Variants in SYT7 observed in about 807,000 individuals in gnomAD.
SYT7 encodes synaptotagmin 7.
In SYT7, 29 loss-of-function variants were observed where a neutral mutation model predicts 75.1. The observed-to-expected ratio is 0.39, with a 90% CI of 0.29 to 0.53. SYT7 has a LOEUF of 0.53. Among genes scored for constraint, SYT7 ranks in the 20% least tolerant of loss-of-function variants. The probability of loss-of-function intolerance (pLI) is 0.77; values close to 1 mark genes in which losing one functional copy is unlikely to be tolerated. For synonymous variants in SYT7, 376 were observed against 401.7 expected, an observed-to-expected ratio of 0.94 and a Z score of 0.76; for missense variants, 693 against 953.2, an observed-to-expected ratio of 0.73 and a Z score of 3.59.
chr11:61,522,951 G>A, intron 12 of SYT7, 124 bp downstream of exon 12: 1 of 953,376 alleles, frequency 1.0e-6, no homozygotes, highest in Non-Finnish European at 1.6e-6. Context: ...TGAGAGGAGA[G>A]GAGACTGATC....
rs886204028 is a variant in SYT7 at position 61,517,156 on chromosome 11, T to C, written c.*1471A>G. Reference sequence around the variant, plus strand: ...GGCCCAGGCTCGTGGACCCCCAGGATTGGAGGCTTTGTCACCAGCTGGGTC... The same window carrying C: ...GGCCCAGGCTCGTGGACCCCCAGGACTGGAGGCTTTGTCACCAGCTGGGTC... On this transcript the variant is annotated 3_prime_UTR_variant, in exon 13 of 13. Coordinates refer to ENST00000539008, the MANE Select transcript of SYT7 (RefSeq NM_001365809.2). 4 of 396,622 alleles carry C rather than the reference T, an allele frequency of 1.0e-5. No individual in the cohort carries two copies. The highest frequency in any genetic ancestry group is 4.4e-5 in the Admixed American group (1 of 22,674). 24.6% of individuals were successfully genotyped at this position (396,622 alleles called of 1,614,324 possible).
At chr11:61,573,825 C>T (rs1023709364) in intron 1 of SYT7, among the ~76,000 whole-genome samples, 2 of 152,238 alleles carry the variant, frequency 1.3e-5, no homozygotes, top group Non-Finnish European at 2.9e-5. Context: ...TGGCAAAGCT[C>T]TTATTCTTCC....
At chr11:61,538,122 A>G (rs2062924094) in intron 7 of SYT7, 22 bp downstream of exon 7, 1 of 1,534,650 alleles carries the variant, frequency 6.5e-7, no homozygotes, top group Admixed American at 2.0e-5. Context: ...CCGCCGCCGC[A>G]GGCCCTCGCC....
In SYT7 at chr11:61,551,412, G is replaced by C. The variant is rs776184201; in HGVS notation, c.187C>G (p.Arg63Gly). 1 of 1,613,806 alleles carries C rather than the reference G, an allele frequency of 6.2e-7. No homozygotes were observed. ...LETVGTPDSG[R>G]GRSEKKAIND... Reference sequence around the variant, plus strand: ...ATAGCCTTCTTCTCACTGCGCCCACGCCCTGAGTCTGGCGTGCCCACCGTC... The same window carrying C: ...ATAGCCTTCTTCTCACTGCGCCCACCCCCTGAGTCTGGCGTGCCCACCGTC... Residue 63 changes from arginine (R) to glycine (G), a missense_variant, in exon 3 of 13, where the codon CGT (arginine) becomes GGT (glycine). Physicochemically the swap from Arg to Gly is moderately radical, Grantham distance 125. Transcript: ENST00000539008. The surrounding 1 kb of genome is among the most constrained non-coding windows in gnomAD (Gnocchi z 5.3).
At chr11:61,544,325 A>G (rs544810007) in intron 5 of SYT7, among the ~76,000 whole-genome samples, 3 of 152,206 alleles carry the variant, frequency 2.0e-5, no homozygotes, top group Non-Finnish European at 4.4e-5. Context: ...AAAAGACAAC[A>G]GTTAGGCTAC....
chr11:61,522,165 G>C (rs2062358347), intron 12 of SYT7, among the ~76,000 whole-genome samples: 1 of 148,408 alleles, frequency 6.7e-6, no homozygotes, highest in African/African-American at 2.5e-5. Context: ...GAATTTTTTG[G>C]TTACGTGATA....
chr11:61,564,687 C>T (rs116349376), intron 1 of SYT7, among the ~76,000 whole-genome samples: 1 of 152,188 alleles, frequency 6.6e-6, no homozygotes, highest in Non-Finnish European at 1.5e-5. Context: ...AAGAAAGAAC[C>T]TGAGTGGACA....
chr11:61,560,163 G>A (rs1342766529), intron 1 of SYT7, among the ~76,000 whole-genome samples: 1 of 152,186 alleles, frequency 6.6e-6, no homozygotes, highest in Non-Finnish European at 1.5e-5. Flanking sequence ...TGAAAGCCGG[G>A]GTTTGAACTC....
At chr11:61,545,297 G>C (rs1218437799) in intron 5 of SYT7, among the ~76,000 whole-genome samples, 3 of 152,186 alleles carry the variant, frequency 2.0e-5, no homozygotes, top group African/African-American at 7.2e-5. Flanking sequence ...CTGATGTCTA[G>C]AACACCCCAT....
At chr11:61,554,535 A>T (rs577920398) in intron 2 of SYT7, among the ~76,000 whole-genome samples, 8 of 152,240 alleles carry the variant, frequency 5.3e-5, no homozygotes, top group African/African-American at 1.7e-4. Flanking sequence ...GAACACACAC[A>T]CAAGGTCGCC....
chr11:61,566,901 T>G (rs1477225977), intron 1 of SYT7, among the ~76,000 whole-genome samples: 1 of 152,224 alleles, frequency 6.6e-6, no homozygotes, highest in East Asian at 1.9e-4. Context: ...CCCCGAGTCA[T>G]AGGCTTCCTC....
At position 61,547,027 on chromosome 11, in the gene SYT7, C is replaced by T; in HGVS notation, c.347+150G>A. On this transcript the variant is annotated intron_variant, in intron 4 of 12. Transcript: ENST00000539008. Reference sequence around the variant, plus strand: ...GTTGCTCGTCTCCATGGTCGGCCTGCCCATGGGGTGGATGGGTGGGGAAGT... The same window carrying T: ...GTTGCTCGTCTCCATGGTCGGCCTGTCCATGGGGTGGATGGGTGGGGAAGT... 4.9e-6 allele frequency: 5 copies of T among 1,030,572 alleles called. No individual in the cohort carries two copies. In the South Asian group the frequency reaches 8.2e-5, roughly 17 times the overall value. 63.8% of individuals were successfully genotyped at this position (1,030,572 alleles called of 1,614,324 possible). A position where few individuals can be genotyped will look rare whatever the true frequency, so the allele number is the denominator to read the frequency against.
intron 1 of SYT7, among the ~76,000 whole-genome samples, chr11:61,558,559 G>A (rs2063562510): frequency 6.6e-6 from 1 of 150,710 alleles, no homozygotes; most frequent in Non-Finnish European, 1.5e-5. Context: ...TTATGAGGGT[G>A]TGTGTTTGTT....
chr11:61,525,524 T>A (rs987253586), intron 9 of SYT7, among the ~76,000 whole-genome samples: 9 of 152,116 alleles, frequency 5.9e-5, no homozygotes, highest in African/African-American at 2.2e-4. Context: ...ATCCTTCAGG[T>A]CTCAGCATTC....
chr11:61,542,273 T>C lies in SYT7; in HGVS notation c.879A>G (p.Pro293=), dbSNP rs1194622920. Residue 293 remains proline, a synonymous_variant, in exon 6 of 13, where the codon CCA becomes CCG. Coordinates refer to ENST00000539008, the MANE Select transcript of SYT7 (RefSeq NM_001365809.2). The surrounding 1 kb of genome is among the most constrained non-coding windows in gnomAD (Gnocchi z 7.8). The part of the protein sequence containing the change: ...RAAGGRSRSN[P]GSWDHVVGQI... ...GCCCCACCACGTGGTCCCAGCTGCC[T>C]GGGTTGGAGCGGCTGCGGCCCCCTG... 16 of 1,535,020 alleles carry C rather than the reference T, an allele frequency of 1.0e-5. No homozygotes were observed. In the Admixed American group the frequency reaches 2.9e-4, roughly 28 times the overall value.
upstream of SYT7, among the ~76,000 whole-genome samples, chr11:61,582,307 C>T (rs1044043267): frequency 3.3e-5 from 5 of 152,160 alleles, no homozygotes; most frequent in African/African-American, 9.7e-5. Flanking sequence ...AGCCAGGCTT[C>T]CTAGAGTCAA....
In SYT7 at chr11:61,551,262, G is replaced by A; in HGVS notation, c.215+122C>T. On this transcript the variant is annotated intron_variant, in intron 3 of 12. Coordinates refer to ENST00000539008, the MANE Select transcript of SYT7 (RefSeq NM_001365809.2). The surrounding 1 kb of genome is among the most constrained non-coding windows in gnomAD (Gnocchi z 5.3). ...GTGTGTGGAGGGTGTAGAGAGCATG[G>A]CATCGGGGTGTGGGGGAAGTGAAAG... 2.2e-6 allele frequency: 2 copies of A among 921,122 alleles called. No homozygotes were observed. The highest frequency in any genetic ancestry group is 1.5e-5 in the South Asian group (1 of 66,564). 57.1% of individuals were successfully genotyped at this position (921,122 alleles called of 1,614,324 possible). A position where few individuals can be genotyped will look rare whatever the true frequency, so the allele number is the denominator to read the frequency against.
In SYT7 at chr11:61,581,019, TGCC is replaced by T. The variant is rs893711205; in HGVS notation, c.-202_-200del. 9 of 771,652 alleles carry T rather than the reference TGCC, an allele frequency of 1.2e-5. No individual in the cohort carries two copies. The highest frequency in any genetic ancestry group is 2.0e-5 in the African/African-American group (1 of 50,806). The allele number at this position is 771,652 out of a possible 1,614,324, so 47.8% of individuals were successfully genotyped here. ...CCTCCCGCCCGCCCGCGGAGCACGCTGCCGCCGCCGCCGAACAGCGCCGAGCCG... is the reference window on the plus strand; with the variant it reads ...CCTCCCGCCCGCCCGCGGAGCACGCTGCCGCCGCCGAACAGCGCCGAGCCG... On this transcript the variant is annotated 5_prime_UTR_variant, in exon 1 of 13. Coordinates refer to ENST00000539008, the MANE Select transcript of SYT7 (RefSeq NM_001365809.2).
chr11:61,566,142 A>G (rs2063761540), intron 1 of SYT7, among the ~76,000 whole-genome samples: 1 of 152,264 alleles, frequency 6.6e-6, no homozygotes, highest in South Asian at 2.1e-4. Flanking sequence ...CAGTCGAGAC[A>G]TGGCCTTGGT....
Sources: gnomAD v4.1 joint callset for allele counts (sites outside exome capture counted in the v4.1 genomes callset) on GRCh38, gnomAD v4.1.1 for gene constraint, Gnocchi (gnomAD v3.1) non-coding constraint, MANE v1.5 for transcripts, NCBI Gene and HGNC (gene_info 2026-07-23, HGNC 2026-07-21) for gene names.